FAM89A: variants seen among roughly 807,000 people sequenced by gnomAD.
FAM89A encodes the protein protein FAM89A.
Under a neutral mutation model 7.1 loss-of-function variants are expected in FAM89A, and 10 were observed. The observed-to-expected ratio is 1.40, with a 90% CI of 0.86 to 2.38. FAM89A has a LOEUF of 2.38. Ranked by LOEUF, FAM89A falls within the 30% of genes most tolerant of loss-of-function variation. The pLI, the probability that FAM89A is intolerant of heterozygous loss-of-function variation, is 0.00. For missense variants in FAM89A, 276 were observed against 262.8 expected (o/e 1.05, Z -0.35); for synonymous variants, 157 against 129.3 (o/e 1.21, Z -1.45).
At chr1:231,035,680 T>C (rs1202918401) in intron 1 of FAM89A, among the ~76,000 whole-genome samples, 10 of 152,136 alleles carry the variant, frequency 6.6e-5, no homozygotes, top group Admixed American at 6.6e-4. Context: ...ATGCAAATAT[T>C]TTAAAGGCCA....
intron 1 of FAM89A, among the ~76,000 whole-genome samples, chr1:231,032,457 G>A (rs955644926): frequency 7.0e-6 from 1 of 143,818 alleles, no homozygotes; most frequent in Non-Finnish European, 1.5e-5. Context: ...ACAGGATCAT[G>A]CTTTTCTACC....
chr1:231,032,858 C>T (rs908336129), intron 1 of FAM89A, among the ~76,000 whole-genome samples: 1 of 152,186 alleles, frequency 6.6e-6, no homozygotes, highest in African/African-American at 2.4e-5. Flanking sequence ...GAGGCCCTCC[C>T]TTCTCCCCAG....
At chr1:231,024,520 G>GCACACACACACA (rs3220109) in intron 1 of FAM89A, among the ~76,000 whole-genome samples, 12,095 of 144,392 alleles carry the variant, frequency 0.084, 545 homozygotes, top group African/African-American at 0.095. Context: ...TACATTGCAT[G>GCACACACACACA]CACACACACA....
At chr1:231,039,808 G>A (rs933846882) in intron 1 of FAM89A, 113 bp downstream of exon 1, 241 of 1,081,070 alleles carry the variant, frequency 2.2e-4, no homozygotes, top group Non-Finnish European at 2.6e-4. Context: ...GGGCGGAGGA[G>A]CCCGAAAGGG....
intron 1 of FAM89A, chr1:231,021,697 T>C (rs1193758746): frequency 6.3e-7 from 1 of 1,588,706 alleles, no homozygotes; most frequent in Non-Finnish European, 8.6e-7. Flanking sequence ...CCCCTGAGAT[T>C]TCCTTGGAAG....
intron 1 of FAM89A, among the ~76,000 whole-genome samples, chr1:231,036,535 C>T (rs4074493): frequency 0.39 from 59,219 of 151,714 alleles, 11,652 homozygotes; most frequent in East Asian, 0.55. Context: ...CGAGGACTTA[C>T]GAGTAGTGCA....
intron 1 of FAM89A, among the ~76,000 whole-genome samples, chr1:231,027,114 G>A (rs780633212): frequency 3.9e-5 from 6 of 152,134 alleles, no homozygotes; most frequent in South Asian, 2.1e-4. Flanking sequence ...GAGCCTGAAC[G>A]CTTCTAGGTT....
At chr1:231,038,168 A>G (rs776049464) in intron 1 of FAM89A, among the ~76,000 whole-genome samples, 16 of 152,230 alleles carry the variant, frequency 1.1e-4, no homozygotes, top group Non-Finnish European at 2.1e-4. Context: ...ACCTGCAGCC[A>G]TATCTTATCT....
At chr1:231,039,162 G>A (rs150739366) in intron 1 of FAM89A, among the ~76,000 whole-genome samples, 2 of 152,330 alleles carry the variant, frequency 1.3e-5, no homozygotes, top group Admixed American at 6.5e-5. Context: ...TGTGTGTTCT[G>A]GTCCACAAAC....
At chr1:231,038,967 T>C (rs950043022) in intron 1 of FAM89A, among the ~76,000 whole-genome samples, 4 of 152,200 alleles carry the variant, frequency 2.6e-5, no homozygotes, top group African/African-American at 7.2e-5. Flanking sequence ...ACGAGGTGAA[T>C]GGAAAGGGAG....
At chr1:231,029,735 A>C (rs1007750282) in intron 1 of FAM89A, among the ~76,000 whole-genome samples, 4 of 152,214 alleles carry the variant, frequency 2.6e-5, no homozygotes, top group African/African-American at 9.7e-5. Flanking sequence ...TTCTATTGTG[A>C]AAATGTATTA....
At chr1:231,039,177 A>C (rs971599298) in intron 1 of FAM89A, among the ~76,000 whole-genome samples, 2 of 152,232 alleles carry the variant, frequency 1.3e-5, no homozygotes, top group African/African-American at 4.8e-5. Context: ...ACAAACAGCT[A>C]ATGTACTTCC....
intron 1 of FAM89A, among the ~76,000 whole-genome samples, chr1:231,030,861 G>A (rs1399722506): frequency 1.1e-4 from 16 of 152,280 alleles, no homozygotes; most frequent in Admixed American, 1.0e-3. Flanking sequence ...TGTAATTCCA[G>A]CACTGTGGGA....
rs569043471 is a variant in FAM89A at position 231,019,742 on chromosome 1, T to C, written c.*121A>G. 9.2e-5 allele frequency: 100 copies of C among 1,091,096 alleles called. No homozygotes were observed. Among genetic ancestry groups the C allele is most frequent in the Middle Eastern group, 3.1e-4 (1 of 3,204 alleles). 67.6% of individuals were successfully genotyped at this position (1,091,096 alleles called of 1,614,324 possible). ...TGCCTACAAATGAAACTGGTAGCGCTCATCCCCTGTGCCCGAGGACCGTCC... is the reference window on the plus strand; with the variant it reads ...TGCCTACAAATGAAACTGGTAGCGCCCATCCCCTGTGCCCGAGGACCGTCC... On this transcript the variant is annotated 3_prime_UTR_variant, in exon 2 of 2. Coordinates refer to ENST00000366654, the MANE Select transcript of FAM89A (RefSeq NM_198552.3).
intron 1 of FAM89A, among the ~76,000 whole-genome samples, chr1:231,024,528 A>ACACACACACG (rs1558254497): frequency 6.6e-6 from 1 of 151,376 alleles, no homozygotes; most frequent in Non-Finnish European, 1.5e-5. Flanking sequence ...ATGCACACAC[A>ACACACACACG]CACACACACA....
chr1:231,019,939 T>G lies in FAM89A; in HGVS notation c.479A>C (p.Asp160Ala). The G allele has an allele frequency of 3.7e-6, 6 of 1,613,980 alleles. No homozygotes were observed. Among genetic ancestry groups the G allele is most frequent in the Non-Finnish European group, 4.2e-6 (5 of 1,179,908 alleles). ...QEQNSLHDRR[D>A]RGPPRDLSLP... ...TGACAAGTCCCGAGGAGGGCCTCGG[T>G]CCCTCCTGTCGTGCAGGGAGTTCTG... The change falls in exon 2 of 2, where the codon GAC (aspartate) becomes GCC (alanine). Residue 160 changes from aspartate to alanine, a missense_variant. Asp to Ala is a moderately radical substitution (Grantham distance 126, BLOSUM62 -2). Coordinates refer to ENST00000366654, the MANE Select transcript of FAM89A (RefSeq NM_198552.3).
chr1:231,031,245 G>A (rs983055578), intron 1 of FAM89A, among the ~76,000 whole-genome samples: 5 of 152,166 alleles, frequency 3.3e-5, no homozygotes, highest in African/African-American at 1.2e-4. Context: ...TGAAGTAAAT[G>A]AAGAAAATCT....
At chr1:231,022,036 C>G (rs1679888112) in intron 1 of FAM89A, 6 of 1,398,440 alleles carry the variant, frequency 4.3e-6, no homozygotes, top group Non-Finnish European at 6.1e-6. Flanking sequence ...ATTCAGAGAT[C>G]GTGCAGAATA....
At chr1:231,027,118 C>T (rs1001709671) in intron 1 of FAM89A, among the ~76,000 whole-genome samples, 2 of 152,156 alleles carry the variant, frequency 1.3e-5, no homozygotes, top group East Asian at 3.9e-4. Context: ...CTGAACGCTT[C>T]TAGGTTTCAA....
Sources: gnomAD v4.1 joint callset for allele counts (sites outside exome capture counted in the v4.1 genomes callset) on GRCh38, gnomAD v4.1.1 for gene constraint, MANE v1.5 for transcripts, NCBI Gene and HGNC (gene_info 2026-07-23, HGNC 2026-07-21) for gene names.